The following IFI27L2 variants were observed in gnomAD, a reference collection of about 807,000 sequenced individuals.
IFI27L2 encodes interferon alpha-inducible protein 27-like protein 2.
A neutral mutation model predicts 7.9 loss-of-function variants in IFI27L2; 8 were observed. The ratio of observed to expected loss-of-function variants is 1.02; its 90% CI spans 0.60 to 1.84. IFI27L2 has a LOEUF of 1.84. IFI27L2 is among the 40% of genes most tolerant of loss of function. IFI27L2 has a pLI of 0.00. For missense variants in IFI27L2, 190 were observed against 165.8 expected (o/e 1.15, Z -0.80); for synonymous variants, 56 against 66.5 (o/e 0.84, Z 0.77).
chr14:94,128,103 T>A, intron 3 of IFI27L2, 111 bp from the exon 4 acceptor site: 1 of 697,326 alleles, frequency 1.4e-6, no homozygotes, highest in Non-Finnish European at 2.4e-6. Context: ...GGGTAGAAGC[T>A]GCTAGAGGCA....
chr14:94,128,046 C>A, intron 3 of IFI27L2, 54 bp from the exon 4 acceptor site: 1 of 1,250,986 alleles, frequency 8.0e-7, no homozygotes, highest in South Asian at 1.3e-5. Flanking sequence ...CCAGAAATCC[C>A]ACCCGGATCC....
At position 94,129,604 on chromosome 14, in the gene IFI27L2, C is replaced by T; in HGVS notation, c.-40G>A. 1 of 1,610,790 alleles carries T rather than the reference C, an allele frequency of 6.2e-7. No individual in the cohort carries two copies. Among genetic ancestry groups the T allele is most frequent in the Non-Finnish European group, 8.5e-7 (1 of 1,177,100 alleles). ...GGTCCCAACTTGGCCCAGGAAATGA[C>T]AGCGTTCTTGGGGTGTTACTTCCCC... On this transcript the variant is annotated 5_prime_UTR_variant, in exon 1 of 4. Coordinates refer to ENST00000238609, the MANE Select transcript of IFI27L2 (RefSeq NM_032036.3).
intron 1 of IFI27L2, 64 bp from the exon 2 acceptor site, chr14:94,129,355 G>T (rs1361184732): frequency 4.7e-5 from 62 of 1,330,212 alleles, no homozygotes; most frequent in African/African-American, 5.8e-5. Flanking sequence ...GGAGAGAGAA[G>T]GGCAGAAAGG....
At chr14:94,128,945 T>TTGTGAGTGTGTG (rs1887634996) in intron 2 of IFI27L2, 1 of 464,172 alleles carries the variant, frequency 2.2e-6, no homozygotes, top group African/African-American at 2.0e-5. Context: ...GGTCTCAAAT[T>TTGTGAGTGTGTG]TGTGTGTGTG....
chr14:94,128,726 C>A (rs1273876477), intron 2 of IFI27L2, 51 bp from the exon 3 acceptor site: 9 of 1,479,924 alleles, frequency 6.1e-6, no homozygotes, highest in Non-Finnish European at 8.3e-6. Context: ...AGAAGGGACC[C>A]TTCCCCCCGC....
At chr14:94,128,076 T>TC (rs1419251922) in intron 3 of IFI27L2, 84 bp from the exon 4 acceptor site, 4 of 903,638 alleles carry the variant, frequency 4.4e-6, no homozygotes, top group Non-Finnish European at 6.9e-6. Flanking sequence ...GTCCTGAAAA[T>TC]CCCAGGGCTC....
Position 94,128,292 on chromosome 14 carries a change from G to A in IFI27L2, c.199+222C>T, listed in dbSNP as rs540571221. 206 of 599,926 alleles carry A rather than the reference G, an allele frequency of 3.4e-4. 5 individuals carry two copies. In the South Asian group the frequency reaches 4.1e-3, roughly 12 times the overall value. 37.2% of individuals were successfully genotyped at this position (599,926 alleles called of 1,614,324 possible). A position where few individuals can be genotyped will look rare whatever the true frequency, so the allele number is the denominator to read the frequency against. On this transcript the variant is annotated intron_variant, in intron 3 of 3. Coordinates refer to ENST00000238609, the MANE Select transcript of IFI27L2 (RefSeq NM_032036.3). ...TGTCAGAACCCAGGCATTGCTCTTG[G>A]CCTAGGTTCCTTTCCTCTTCTCCCT...
Position 94,127,784 on chromosome 14 carries a change from A to G in IFI27L2, c.*15T>C. The G allele has an allele frequency of 6.2e-7, 1 of 1,602,630 alleles. No homozygotes were observed. The highest frequency in any genetic ancestry group is 2.2e-5 in the East Asian group (1 of 44,812). On this transcript the variant is annotated 3_prime_UTR_variant, in exon 4 of 4. Transcript: ENST00000238609. ...TGCAAGAAGCAAAACAGGGAGATGC[A>G]TCTGCATGTGACCTTTATTCCTCAT...
rs2139314423 is a variant in IFI27L2 at position 94,127,785 on chromosome 14, T to A, written c.*14A>T. 1 of 1,603,466 alleles carries A rather than the reference T, an allele frequency of 6.2e-7. No homozygotes were observed. The highest frequency in any genetic ancestry group is 8.5e-7 in the Non-Finnish European group (1 of 1,170,892). On this transcript the variant is annotated 3_prime_UTR_variant, in exon 4 of 4. Transcript: ENST00000238609. ...GCAAGAAGCAAAACAGGGAGATGCA[T>A]CTGCATGTGACCTTTATTCCTCATG...
Position 94,128,616 on chromosome 14 carries a change from T to A in IFI27L2, c.97A>T (p.Ile33Phe), listed in dbSNP as rs753117387. ...LSAMGFTGAG[I>F]AASSIAAKMM... is the part of the protein sequence containing the mutation. Reference sequence around the variant, plus strand: ...TTGGCTGCTATGGAGGACGCGGCGATTCCTGCCCCAGTGAAGCCCATGGCA... The same window carrying A: ...TTGGCTGCTATGGAGGACGCGGCGAATCCTGCCCCAGTGAAGCCCATGGCA... Residue 33 changes from isoleucine (I) to phenylalanine (F), a missense_variant, in exon 3 of 4, where the codon ATC (isoleucine) becomes TTC (phenylalanine). Coordinates refer to ENST00000238609, the MANE Select transcript of IFI27L2 (RefSeq NM_032036.3). 6.2e-6 allele frequency: 10 copies of A among 1,614,022 alleles called. No individual in the cohort carries two copies. The highest frequency in any genetic ancestry group is 1.7e-5 in the Admixed American group (1 of 60,002).
chr14:94,128,547 C>A lies in IFI27L2; in HGVS notation c.166G>T (p.Ala56Ser), dbSNP rs200577010. The A allele has an allele frequency of 6.2e-7, 1 of 1,614,214 alleles. No individual in the cohort carries two copies. The highest frequency in any genetic ancestry group is 1.3e-5 in the African/African-American group (1 of 75,046). The stretch of plus-strand genomic sequence containing the variant: ...TGCAGAGTAGCCACCAGGCTCCCCG[C>A]AGAAACACCACCCCCGTTGGCAATG... ...AAIANGGGVSAGSLVATLQSV... is the reference protein window; with the variant it reads ...AAIANGGGVSSGSLVATLQSV... The change falls in exon 3 of 4, where the codon GCG (alanine) becomes TCG (serine). Residue 56 changes from alanine to serine, a missense_variant. By Grantham distance (99) the Ala-to-Ser change is moderately conservative. Coordinates refer to ENST00000238609, the MANE Select transcript of IFI27L2 (RefSeq NM_032036.3).
In IFI27L2 at chr14:94,127,957, G is replaced by C. The variant is rs775868112; in HGVS notation, c.235C>G (p.Leu79Val). 1 of 1,613,810 alleles carries C rather than the reference G, an allele frequency of 6.2e-7. No individual in the cohort carries two copies. The highest frequency in any genetic ancestry group is 1.1e-5 in the South Asian group (1 of 91,052). The stretch of plus-strand genomic sequence containing the variant: ...CCCAACACTGACCCAACAGAGGCCA[G>C]GAGGATGTTGGATGATGTGGAGAGT... ...AGLSTSSNIL[L>V]ASVGSVLGAC... is the part of the protein sequence containing the mutation. The change falls in exon 4 of 4, where the codon CTG becomes GTG. Residue 79 changes from leucine (L) to valine (V), a missense_variant. Physicochemically the swap from Leu to Val is conservative, Grantham distance 32. Transcript: ENST00000238609.
rs763401045 is a variant in IFI27L2, at chr14:94,129,285, G to T, written c.14C>A (p.Ala5Glu). ...ACCTCCTCCCACTGCAGCAGCAGCT[G>T]CCCGTTCTAGAGAGAGAGTGCCAGG... MMKR[A>E]AAAAVGGALA... is the part of the protein sequence containing the mutation. The change falls in exon 2 of 4, where the codon GCA becomes GAA. Residue 5 changes from alanine to glutamate, a missense_variant. Coordinates refer to ENST00000238609, the MANE Select transcript of IFI27L2 (RefSeq NM_032036.3). The T allele has an allele frequency of 6.2e-7, 1 of 1,612,642 alleles. No individual in the cohort carries two copies. The highest frequency in any genetic ancestry group is 1.1e-5 in the South Asian group (1 of 90,900).
chr14:94,128,642 C>T lies in IFI27L2; in HGVS notation c.71G>A (p.Ser24Asn). Reference sequence around the variant, plus strand: ...TCCTGCCCCAGTGAAGCCCATGGCACTGAGCACCACGGGCACAGCCCCCAC... The same window carrying T: ...TCCTGCCCCAGTGAAGCCCATGGCATTGAGCACCACGGGCACAGCCCCCAC... ...LAVGAVPVVL[S>N]AMGFTGAGIA... The change falls in exon 3 of 4, where the codon AGT (serine) becomes AAT (asparagine). Residue 24 changes from serine to asparagine, a missense_variant. Coordinates refer to ENST00000238609, the MANE Select transcript of IFI27L2 (RefSeq NM_032036.3). The T allele has an allele frequency of 6.2e-7, 1 of 1,613,810 alleles. No homozygotes were observed. Among genetic ancestry groups the T allele is most frequent in the Non-Finnish European group, 8.5e-7 (1 of 1,179,842 alleles).
intron 2 of IFI27L2, 22 bp downstream of exon 2, chr14:94,129,217 CCAGGCTAGGTGAGGGCCTGGAGA>C: frequency 6.4e-7 from 1 of 1,551,184 alleles, no homozygotes; most frequent in Admixed American, 1.7e-5. Context: ...AGCCCGGGGA[CCAGGCTAGGTGAGGGCCTGGAGA>C]CAGGCGATCC....
intron 2 of IFI27L2, chr14:94,128,913 G>A: frequency 1.7e-6 from 1 of 595,164 alleles, no homozygotes; most frequent in South Asian, 2.0e-5. Flanking sequence ...GTGTGATGCT[G>A]AGGAAGTCAA....
In IFI27L2 at chr14:94,128,652, C is replaced by T. The variant is rs554948051; in HGVS notation, c.61G>A (p.Val21Met). 8 of 1,613,242 alleles carry T rather than the reference C, an allele frequency of 5.0e-6. No individual in the cohort carries two copies. Among genetic ancestry groups the T allele is most frequent in the South Asian group, 2.2e-5 (2 of 90,954 alleles). The change falls in exon 3 of 4, where the codon GTG (valine) becomes ATG (methionine). Residue 21 changes from valine (V) to methionine (M), a missense_variant. Coordinates refer to ENST00000238609, the MANE Select transcript of IFI27L2 (RefSeq NM_032036.3). ...GGALAVGAVP[V>M]VLSAMGFTGA... ...GTGAAGCCCATGGCACTGAGCACCA[C>T]GGGCACAGCCCCCACTGCCAGGGCT...
At chr14:94,128,945 TTGTGTGTG>T (rs60745025) in intron 2 of IFI27L2, 165 of 532,560 alleles carry the variant, frequency 3.1e-4, no homozygotes, top group Non-Finnish European at 4.3e-4. Context: ...GGTCTCAAAT[TTGTGTGTG>T]TGTGTGTGTG....
chr14:94,128,364 G>T, intron 3 of IFI27L2, 150 bp downstream of exon 3: 1 of 693,002 alleles, frequency 1.4e-6, no homozygotes, highest in Non-Finnish European at 2.5e-6. Context: ...ACCTCACTCA[G>T]AAGGAGCCAG....
Sources: gnomAD v4.1 joint callset for allele counts on GRCh38, gnomAD v4.1.1 for gene constraint, MANE v1.5 for transcripts, NCBI Gene and HGNC (gene_info 2026-07-23, HGNC 2026-07-21) for gene names.